The following PPP2R3B variants were observed in gnomAD, a reference collection of about 807,000 sequenced individuals.
The protein encoded by PPP2R3B is protein phosphatase 2 regulatory subunit B''beta, also known as serine/threonine-protein phosphatase 2A regulatory subunit B'' subunit beta.
Under a neutral mutation model 72.9 loss-of-function variants are expected in PPP2R3B, and 68 were observed. The observed-to-expected ratio is 0.93, with a 90% confidence interval of 0.77 to 1.14. PPP2R3B has a LOEUF of 1.14. Ranked by LOEUF, PPP2R3B falls within the 50% of genes most tolerant of loss-of-function variation. The pLI, the probability that PPP2R3B is intolerant of heterozygous loss-of-function variation, is 0.00. For missense variants in PPP2R3B, 1,018 were observed against 842.0 expected, an observed-to-expected ratio of 1.21 and a Z score of -2.59; for synonymous variants, 466 against 375.8, an observed-to-expected ratio of 1.24 and a Z score of -2.78.
Position 338,829 on chromosome X carries a change from G to A in PPP2R3B, c.1419C>T (p.Asn473=), listed in dbSNP as rs376812564. ...GCTCGTGGTCGAGGTACTTCTCGAT[G>A]TTGAAGAAGGTGTCGAAGAAGACGT... ...LANVFFDTFF[N]IEKYLDHEQK... is the part of the protein sequence containing the mutation. Residue 473 remains asparagine (N), a synonymous_variant, in exon 11 of 13, where the codon AAC becomes AAT. Coordinates refer to ENST00000390665, the MANE Select transcript of PPP2R3B (RefSeq NM_013239.5). 4.3e-6 allele frequency: 7 copies of A among 1,612,374 alleles called. No homozygotes were observed. The African/African-American group carries it at 9.3e-5, about 22-fold the overall frequency.
intron 1 of PPP2R3B, among the ~76,000 whole-genome samples, chrX:381,902 C>T (rs982419367): frequency 6.6e-6 from 1 of 152,124 alleles, no homozygotes; most frequent in Non-Finnish European, 1.5e-5. Context: ...CCAGCCCAAG[C>T]TCATCTTTTT....
intron 10 of PPP2R3B, 93 bp from the exon 11 acceptor site, chrX:338,989 A>AG: frequency 9.8e-7 from 1 of 1,023,166 alleles, no homozygotes; most frequent in East Asian, 2.4e-5. Flanking sequence ...CACGTGCTTA[A>AG]GGACGCGGCA....
At chrX:357,549 T>C (rs2071461895) in intron 2 of PPP2R3B, among the ~76,000 whole-genome samples, 1 of 152,202 alleles carries the variant, frequency 6.6e-6, no homozygotes, top group African/African-American at 2.4e-5. Flanking sequence ...AATAAATGAT[T>C]CTGTCAAGAA....
chrX:334,360 G>A lies in PPP2R3B; in HGVS notation c.*7C>T, dbSNP rs1197959053. The A allele has an allele frequency of 2.4e-5, 36 of 1,484,612 alleles. No homozygotes were observed. The highest frequency in any genetic ancestry group is 3.1e-5 in the Non-Finnish European group (35 of 1,126,162). 92.0% of individuals were successfully genotyped at this position (1,484,612 alleles called of 1,614,324 possible). On this transcript the variant is annotated 3_prime_UTR_variant, in exon 13 of 13. Transcript: ENST00000390665. ...GCGGCCCCGCGGCGGCGTTCTCGCG[G>A]GCGGCGTCACAGCGGCTCCAGGTCC...
chrX:344,540 C>T (rs971788409), intron 7 of PPP2R3B, among the ~76,000 whole-genome samples: 4 of 152,248 alleles, frequency 2.6e-5, no homozygotes, highest in African/African-American at 9.6e-5. Context: ...GAGTGGGCTC[C>T]AGAGGAACGC....
intron 7 of PPP2R3B, 172 bp downstream of exon 7, chrX:345,344 C>A (rs1328582620): frequency 4.2e-6 from 4 of 949,198 alleles, no homozygotes; most frequent in African/African-American, 3.3e-5. Flanking sequence ...CACGGGGCAG[C>A]GACTGGGGAA....
At chrX:352,478 C>G (rs2071350935) in intron 2 of PPP2R3B, among the ~76,000 whole-genome samples, 2 of 113,544 alleles carry the variant, frequency 1.8e-5, no homozygotes, top group South Asian at 5.4e-4. Flanking sequence ...TTAGACCTGG[C>G]TTCCCTCGCT....
chrX:344,547 A>G (rs1265071559), intron 7 of PPP2R3B, among the ~76,000 whole-genome samples: 1 of 152,226 alleles, frequency 6.6e-6, no homozygotes, highest in East Asian at 1.9e-4. Context: ...CTCCAGAGGA[A>G]CGCGGAAAGC....
At chrX:382,553 T>C (rs752715593) in intron 1 of PPP2R3B, among the ~76,000 whole-genome samples, 2 of 151,252 alleles carry the variant, frequency 1.3e-5, no homozygotes, top group South Asian at 4.2e-4. Context: ...CTCAGTGCAT[T>C]TCTCAAGTTC....
intron 2 of PPP2R3B, among the ~76,000 whole-genome samples, chrX:356,329 T>C (rs1435705201): frequency 2.0e-5 from 3 of 152,134 alleles, no homozygotes; most frequent in South Asian, 2.1e-4. Flanking sequence ...GATTTTCCTG[T>C]CTCAGCCTCC....
Position 368,018 on chromosome X carries a change from G to C in PPP2R3B, c.325-6428C>G, listed in dbSNP as rs180851186. Among the ~76,000 whole-genome samples, 3 of 152,356 alleles carry C rather than the reference G, an allele frequency of 2.0e-5. No homozygotes were observed. The East Asian group carries it at 5.8e-4, about 29-fold the overall frequency. The stretch of plus-strand genomic sequence containing the variant: ...ACAGGCTGATGCTAACTTTATCCAT[G>C]CCTGACAACGCAGCCTCGGCACTGA... On this transcript the variant is annotated intron_variant, in intron 1 of 12. Transcript: ENST00000390665.
chrX:338,596 CCA>C lies in PPP2R3B; in HGVS notation c.1577+6_1577+7del, dbSNP rs1419709756. On this transcript the variant is annotated splice_donor_region_variant and intron_variant, in intron 12 of 12. Coordinates refer to ENST00000390665, the MANE Select transcript of PPP2R3B (RefSeq NM_013239.5). ...CCGTCCCCCCACTCACCCGTCCTCC[CCA>C]CTCACCCGTCCTCCCAGGGCTCTCC... 6.3e-7 allele frequency: 1 copy of C among 1,597,600 alleles called. No homozygotes were observed. The highest frequency in any genetic ancestry group is 1.4e-5 in the African/African-American group (1 of 73,036).
intron 1 of PPP2R3B, among the ~76,000 whole-genome samples, chrX:381,770 C>G (rs2072131386): frequency 1.3e-5 from 2 of 151,486 alleles, no homozygotes; most frequent in Admixed American, 1.3e-4. Context: ...GGCTAATTTT[C>G]TGTATCTTTA....
At chrX:352,513 C>T (rs760124719) in intron 2 of PPP2R3B, among the ~76,000 whole-genome samples, 2 of 146,560 alleles carry the variant, frequency 1.4e-5, no homozygotes, top group African/African-American at 5.2e-5. Flanking sequence ...GGGACTCACA[C>T]ACCTTGCTCT....
chrX:334,456 G>A lies in PPP2R3B; in HGVS notation c.1639C>T (p.Gln547Ter), dbSNP rs377631934. 1.3e-5 allele frequency: 21 copies of A among 1,595,308 alleles called. No individual in the cohort carries two copies. Among genetic ancestry groups the A allele is most frequent in the Admixed American group, 1.7e-5 (1 of 58,738 alleles). The change falls in exon 13 of 13, where the codon CAG (glutamine) becomes TAG (stop). Residue 547 changes from glutamine (Q) to a stop codon, truncating the protein, a stop_gained. Transcript: ENST00000390665. LOFTEE classifies it high-confidence loss of function. ...GAGGGCGCCTCGAAGAAGGGCCTCT[G>A]GGCCAGCGGGGAGCGCAGCGCACTC... is the stretch of plus-strand genomic sequence containing the variant. ...KLSALRSPLA[Q>*]RPFFEAPSPL...
chrX:357,741 A>G (rs1201006241), intron 2 of PPP2R3B, among the ~76,000 whole-genome samples: 2 of 152,190 alleles, frequency 1.3e-5, no homozygotes, highest in Non-Finnish European at 2.9e-5. Flanking sequence ...AAATTAACAA[A>G]GAGAAAAGTG....
Position 334,450 on chromosome X carries a change from G to T in PPP2R3B, c.1645C>A (p.Pro549Thr). The change falls in exon 13 of 13, where the codon CCC (proline) becomes ACC (threonine). Residue 549 changes from proline (P) to threonine (T), a missense_variant. Transcript: ENST00000390665. ...SALRSPLAQR[P>T]FFEAPSPLGA... The stretch of plus-strand genomic sequence containing the variant: ...AGCGGTGAGGGCGCCTCGAAGAAGG[G>T]CCTCTGGGCCAGCGGGGAGCGCAGC... 6.3e-7 allele frequency: 1 copy of T among 1,595,990 alleles called. No individual in the cohort carries two copies. Among genetic ancestry groups the T allele is most frequent in the South Asian group, 1.1e-5 (1 of 89,882 alleles).
rs1569395383 is a variant in PPP2R3B, at chrX:354,041, A to ACAG, written c.511-6349_511-6348insCTG. Reference sequence around the variant, plus strand: ...GGGAGCAGGGGCTCGCCCAGGGACCAGGGGCTCACCCAAAGACCGGGGCTC... The same window carrying ACAG: ...GGGAGCAGGGGCTCGCCCAGGGACCACAGGGGGCTCACCCAAAGACCGGGGCTC... On this transcript the variant is annotated intron_variant, in intron 2 of 12. Transcript: ENST00000390665. Among the ~76,000 whole-genome samples the ACAG allele has an allele frequency of 8.9e-4, 79 of 88,330 alleles. 1 individual carries two copies. The highest frequency in any genetic ancestry group is 4.3e-3 in the East Asian group (9 of 2,112). The allele number at this position is 88,330 out of a possible 152,430, so 57.9% of individuals were successfully genotyped here.
At chrX:342,152 C>T in intron 7 of PPP2R3B, 4 of 622,686 alleles carry the variant, frequency 6.4e-6, no homozygotes, top group Middle Eastern at 4.3e-4. Flanking sequence ...CCACAGAGCG[C>T]AAAGCTGACC....
Sources: gnomAD v4.1 joint callset for allele counts (sites outside exome capture counted in the v4.1 genomes callset) on GRCh38, gnomAD v4.1.1 for gene constraint, MANE v1.5 for transcripts, NCBI Gene and HGNC (gene_info 2026-07-23, HGNC 2026-07-21) for gene names.